Variants in BRD2 observed in about 807,000 individuals in gnomAD.
BRD2 encodes the protein bromodomain containing 2.
In BRD2, 15 loss-of-function variants were observed where a neutral mutation model predicts 79.1. The ratio of observed to expected loss-of-function variants is 0.19; its 90% CI spans 0.13 to 0.29. The LOEUF (loss-of-function observed/expected upper bound fraction) is 0.29, where lower values mean the gene tolerates loss of function less well. Among genes scored for constraint, BRD2 ranks in the 10% least tolerant of loss-of-function variants. The probability of loss-of-function intolerance (pLI) is 1.00; values close to 1 mark genes in which losing one functional copy is unlikely to be tolerated. For missense variants in BRD2, 1,053 were observed against 991.3 expected (o/e 1.06, Z -0.84); for synonymous variants, 488 against 358.6 (o/e 1.36, Z -4.08).
rs1016215252 is a variant in BRD2, at chr6:32,972,224, C to A, written c.-675C>A. The A allele has an allele frequency of 3.9e-6, 2 of 509,236 alleles. No individual in the cohort carries two copies. Among genetic ancestry groups the A allele is most frequent in the South Asian group, 2.0e-5 (1 of 50,606 alleles). 31.5% of individuals were successfully genotyped at this position (509,236 alleles called of 1,614,324 possible). On this transcript the variant is annotated 5_prime_UTR_variant, in exon 2 of 13. Coordinates refer to ENST00000374825, the MANE Select transcript of BRD2 (RefSeq NM_005104.4). The stretch of plus-strand genomic sequence containing the variant: ...CCATTTCGTGCTGGAGTGGAGCAGC[C>A]TCTAGAACGAGCTGGAGGATTCTGC...
intron 2 of BRD2, chr6:32,973,166 C>G (rs756942725): frequency 1.3e-5 from 20 of 1,543,006 alleles, no homozygotes; most frequent in Non-Finnish European, 1.8e-5. Context: ...CGCCGTGGCC[C>G]AGTCTTAACC....
chr6:32,972,638 C>T lies in BRD2; in HGVS notation c.-261C>T, dbSNP rs955095323. On this transcript the variant is annotated 5_prime_UTR_variant, in exon 2 of 13. Coordinates refer to ENST00000374825, the MANE Select transcript of BRD2 (RefSeq NM_005104.4). ...CCGTCTTTTGAAGAGTCAGTCCCTC[C>T]TTAGTTGCCCGCCTCAGCTGAGGCC... is the stretch of plus-strand genomic sequence containing the variant. 5 of 597,604 alleles carry T rather than the reference C, an allele frequency of 8.4e-6. No homozygotes were observed. Among genetic ancestry groups the T allele is most frequent in the African/African-American group, 1.9e-5 (1 of 53,682 alleles). 37.0% of individuals were successfully genotyped at this position (597,604 alleles called of 1,614,324 possible).
At position 32,974,676 on chromosome 6, in the gene BRD2, C is replaced by G. The variant is rs753723919; in HGVS notation, c.244C>G (p.Leu82Val). 6.2e-7 allele frequency: 1 copy of G among 1,614,234 alleles called. No homozygotes were observed. Among genetic ancestry groups the G allele is most frequent in the South Asian group, 1.1e-5 (1 of 91,082 alleles). Reference sequence around the variant, plus strand: ...ACGAGTTACCAACCAGCTGCAATACCTACACAAGGTAGTGATGAAGGCTCT... The same window carrying G: ...ACGAGTTACCAACCAGCTGCAATACGTACACAAGGTAGTGATGAAGGCTCT... Reference protein sequence around the residue: ...PGRVTNQLQYLHKVVMKALWK... With the variant: ...PGRVTNQLQYVHKVVMKALWK... Residue 82 changes from leucine to valine, a missense_variant, in exon 3 of 13, where the codon CTA becomes GTA. Leu to Val is a conservative substitution (Grantham distance 32). Coordinates refer to ENST00000374825, the MANE Select transcript of BRD2 (RefSeq NM_005104.4).
chr6:32,973,271 C>T (rs1778279375), intron 2 of BRD2: 2 of 997,078 alleles, frequency 2.0e-6, no homozygotes, highest in Non-Finnish European at 2.9e-6. Flanking sequence ...GGTCTGTTAG[C>T]CTTTTAGGGG....
chr6:32,969,426 T>A (rs1413008404), intron 1 of BRD2: 1 of 707,994 alleles, frequency 1.4e-6, no homozygotes, highest in Non-Finnish European at 2.6e-6. Context: ...CTGTGGCCCC[T>A]ACCCGTGGAT....
At chr6:32,969,129 A>C in intron 1 of BRD2, 73 bp downstream of exon 1, 1 of 509,688 alleles carries the variant, frequency 2.0e-6, no homozygotes, top group Non-Finnish European at 3.5e-6. Context: ...CGGGAGGGGG[A>C]TTCTTGGGGT....
rs760957490 is a variant in BRD2, at chr6:32,976,864, G to A, written c.1128G>A (p.Val376=). ...AAYAWPFYKP[V]DASALGLHDY... Reference sequence around the variant, plus strand: ...ATGCTTGGCCTTTCTATAAACCAGTGGATGCTTCTGCACTTGGCCTGCATG... The same window carrying A: ...ATGCTTGGCCTTTCTATAAACCAGTAGATGCTTCTGCACTTGGCCTGCATG... The change falls in exon 7 of 13, where the codon GTG becomes GTA. Residue 376 remains valine (V), a synonymous_variant. Transcript: ENST00000374825. The A allele has an allele frequency of 2.8e-4, 450 of 1,612,982 alleles. No homozygotes were observed. The highest frequency in any genetic ancestry group is 3.6e-4 in the Non-Finnish European group (427 of 1,180,034).
chr6:32,979,671 A>C (rs756128644), intron 10 of BRD2, 157 bp from the exon 11 acceptor site: 22 of 796,566 alleles, frequency 2.8e-5, no homozygotes, highest in African/African-American at 5.3e-5. Context: ...CTGTTTCACT[A>C]TACAGTGTCC....
chr6:32,969,070 C>T lies in BRD2; in HGVS notation c.-1305+14C>T, dbSNP rs1054128106. 1.1e-4 allele frequency: 53 copies of T among 478,782 alleles called. No individual in the cohort carries two copies. The highest frequency in any genetic ancestry group is 9.7e-4 in the African/African-American group (50 of 51,796). The allele number at this position is 478,782 out of a possible 1,614,324, so 29.7% of individuals were successfully genotyped here. On this transcript the variant is annotated intron_variant, in intron 1 of 12. Transcript: ENST00000374825. ...TTTAGGATCCAGGTGAGAAGGGGCCCTTGTGGGGCGGAGATGTCAGTCAAG... is the reference window on the plus strand; with the variant it reads ...TTTAGGATCCAGGTGAGAAGGGGCCTTTGTGGGGCGGAGATGTCAGTCAAG...
chr6:32,978,118 TCC>T lies in BRD2; in HGVS notation c.1579-7_1579-6del. On this transcript the variant is annotated splice_polypyrimidine_tract_variant and splice_region_variant and intron_variant, in intron 9 of 12. Transcript: ENST00000374825. ...TACTTTTTCCACTTCATGTTTTTTT[TCC>T]TTTAGCTTCGGGCAGTACATGAACA... is the stretch of plus-strand genomic sequence containing the variant. 1 of 1,593,748 alleles carries T rather than the reference TCC, an allele frequency of 6.3e-7. No homozygotes were observed. Among genetic ancestry groups the T allele is most frequent in the African/African-American group, 1.4e-5 (1 of 73,374 alleles).
rs1778006563 is a variant in BRD2, at chr6:32,971,751, G to A, written c.-1148G>A. ...GCTACGAATGGCACGACCTGCTCGA[G>A]CTTGGCAGTCTCCAGTTGGGCTGTG... On this transcript the variant is annotated 5_prime_UTR_variant, in exon 2 of 13. Transcript: ENST00000374825. 3.4e-6 allele frequency: 2 copies of A among 588,768 alleles called. No homozygotes were observed. Among genetic ancestry groups the A allele is most frequent in the Non-Finnish European group, 6.0e-6 (2 of 332,458 alleles). 36.5% of individuals were successfully genotyped at this position (588,768 alleles called of 1,614,324 possible). A position where few individuals can be genotyped will look rare whatever the true frequency, so the allele number is the denominator to read the frequency against.
chr6:32,969,460 C>A, intron 1 of BRD2: 1 of 663,658 alleles, frequency 1.5e-6, no homozygotes, highest in South Asian at 1.6e-5. Context: ...GAGTTGGCCA[C>A]CCATGTTGTG....
chr6:32,972,416 C>T lies in BRD2; in HGVS notation c.-483C>T, dbSNP rs1778131616. On this transcript the variant is annotated 5_prime_UTR_variant, in exon 2 of 13. Coordinates refer to ENST00000374825, the MANE Select transcript of BRD2 (RefSeq NM_005104.4). Reference sequence around the variant, plus strand: ...TCGGGCCCCGCCCAATCCTCGGAGTCTGTCCACCCCCTCTACTCCGCCCTC... The same window carrying T: ...TCGGGCCCCGCCCAATCCTCGGAGTTTGTCCACCCCCTCTACTCCGCCCTC... 1.0e-5 allele frequency: 3 copies of T among 295,178 alleles called. No individual in the cohort carries two copies. The highest frequency in any genetic ancestry group is 1.0e-4 in the Admixed American group (2 of 20,080). 18.3% of individuals were successfully genotyped at this position (295,178 alleles called of 1,614,324 possible).
intron 2 of BRD2, 127 bp downstream of exon 2, chr6:32,973,054 G>C: frequency 6.2e-7 from 1 of 1,602,538 alleles, no homozygotes; most frequent in Non-Finnish European, 8.5e-7. Flanking sequence ...TGTCGACTCG[G>C]TCGCGCGGAG....
At chr6:32,975,090 C>A in intron 3 of BRD2, 2 of 1,512,228 alleles carry the variant, frequency 1.3e-6, no homozygotes, top group Non-Finnish European at 1.8e-6. Context: ...CCTCATGCAG[C>A]CCATGGATAG....
At chr6:32,974,189 G>A (rs1028831308) in intron 2 of BRD2, among the ~76,000 whole-genome samples, 9 of 152,048 alleles carry the variant, frequency 5.9e-5, no homozygotes, top group Non-Finnish European at 1.0e-4. Flanking sequence ...GAAACAATTT[G>A]GGAGTTTTTT....
chr6:32,971,909 G>C lies in BRD2; in HGVS notation c.-990G>C, dbSNP rs1778029396. ...TCGGCGGACCACAGCTCAGCCAATT[G>C]GCTTGGAGATGTGGCGGGTTGCCAC... On this transcript the variant is annotated 5_prime_UTR_variant, in exon 2 of 13. Coordinates refer to ENST00000374825, the MANE Select transcript of BRD2 (RefSeq NM_005104.4). 1 of 702,824 alleles carries C rather than the reference G, an allele frequency of 1.4e-6. No individual in the cohort carries two copies. The highest frequency in any genetic ancestry group is 1.7e-5 in the African/African-American group (1 of 57,234). 43.5% of individuals were successfully genotyped at this position (702,824 alleles called of 1,614,324 possible).
At chr6:32,974,206 T>C (rs528350771) in intron 2 of BRD2, among the ~76,000 whole-genome samples, 5 of 152,246 alleles carry the variant, frequency 3.3e-5, no homozygotes, top group Non-Finnish European at 5.9e-5. Flanking sequence ...TTTTAAAATA[T>C]GAAAAAGAAC....
chr6:32,974,309 C>G (rs1778428132), intron 2 of BRD2, among the ~76,000 whole-genome samples, 153 bp from the exon 3 acceptor site: 1 of 152,242 alleles, frequency 6.6e-6, no homozygotes, highest in African/African-American at 2.4e-5. Flanking sequence ...AAAAGCTCCA[C>G]AGATTGTTTG....
Sources: gnomAD v4.1 joint callset for allele counts (sites outside exome capture counted in the v4.1 genomes callset) on GRCh38, gnomAD v4.1.1 for gene constraint, MANE v1.5 for transcripts, NCBI Gene and HGNC (gene_info 2026-07-23, HGNC 2026-07-21) for gene names.